NRXN3: variants seen among roughly 807,000 people sequenced by gnomAD.
The protein encoded by NRXN3 is neurexin 3.
A neutral mutation model predicts 137.6 loss-of-function variants in NRXN3; 32 were observed. The ratio of observed to expected loss-of-function variants is 0.23; its 90% CI spans 0.18 to 0.31. NRXN3 has a LOEUF of 0.31. Among genes scored for constraint, NRXN3 ranks in the 10% least tolerant of loss-of-function variants. The probability of loss-of-function intolerance (pLI) is 1.00; values close to 1 mark genes in which losing one functional copy is unlikely to be tolerated. For synonymous variants in NRXN3, 798 were observed against 784.5 expected, an observed-to-expected ratio of 1.02 and a Z score of -0.29; for missense variants, 1,574 against 2,062.5, an observed-to-expected ratio of 0.76 and a Z score of 4.59.
chr14:79,299,534 C>T (rs1271229967), intron 15 of NRXN3, among the ~76,000 whole-genome samples: 2 of 152,110 alleles, frequency 1.3e-5, no homozygotes, highest in South Asian at 4.1e-4. Context: ...ACAAGACCAC[C>T]TAGTCTGCAG....
At chr14:79,689,156 T>G (rs2098706696) in intron 17 of NRXN3, among the ~76,000 whole-genome samples, 1 of 152,132 alleles carries the variant, frequency 6.6e-6, no homozygotes, top group Non-Finnish European at 1.5e-5. Flanking sequence ...GCCATCACTT[T>G]CTGTTGAAGA....
intron 6 of NRXN3, among the ~76,000 whole-genome samples, chr14:78,682,205 T>C (rs188941794): frequency 5.9e-5 from 9 of 152,092 alleles, no homozygotes; most frequent in African/African-American, 1.9e-4. Flanking sequence ...GTGCTGAAAA[T>C]TGGGCTGGAT....
At chr14:78,661,285 G>A (rs1184227469) in intron 6 of NRXN3, among the ~76,000 whole-genome samples, 3 of 152,184 alleles carry the variant, frequency 2.0e-5, no homozygotes, top group Non-Finnish European at 4.4e-5. Context: ...TACTCATTCA[G>A]TAGTATTACC....
chr14:78,867,985 ATGAT>A (rs896487224), intron 10 of NRXN3, among the ~76,000 whole-genome samples: 6 of 148,414 alleles, frequency 4.0e-5, no homozygotes, highest in African/African-American at 7.3e-5. Flanking sequence ...AATTACAAAA[ATGAT>A]TGTAATTTTA....
intron 10 of NRXN3, among the ~76,000 whole-genome samples, chr14:78,882,422 C>T (rs1240501782): frequency 1.3e-5 from 2 of 151,816 alleles, no homozygotes; most frequent in Non-Finnish European, 2.9e-5. Context: ...CTGTACCCTA[C>T]AAAGCCACAG....
intron 15 of NRXN3, among the ~76,000 whole-genome samples, chr14:79,445,288 C>T (rs1220598740): frequency 1.3e-5 from 2 of 150,428 alleles, no homozygotes; most frequent in Non-Finnish European, 3.0e-5. Flanking sequence ...TGCAGTGAGC[C>T]GAGATCACGC....
At chr14:79,788,644 A>C (rs2099136377) in intron 19 of NRXN3, among the ~76,000 whole-genome samples, 1 of 152,190 alleles carries the variant, frequency 6.6e-6, no homozygotes, top group Admixed American at 6.5e-5. Flanking sequence ...ATGTTTTCTG[A>C]CTCAAAACAC....
At chr14:79,050,348 CT>C (rs2099640080) in intron 15 of NRXN3, among the ~76,000 whole-genome samples, 1 of 152,176 alleles carries the variant, frequency 6.6e-6, no homozygotes, top group African/African-American at 2.4e-5. Context: ...TTAAAATAAT[CT>C]TCTTGTAGTC....
At position 78,329,310 on chromosome 14, in the gene NRXN3, A is replaced by C. The variant is rs2080496702; in HGVS notation, c.757+31450A>C. 2.0e-5 allele frequency among the ~76,000 whole-genome samples: 3 copies of C among 152,304 alleles called. No individual in the cohort carries two copies. In the South Asian group the frequency reaches 6.2e-4, roughly 32 times the overall value. ...CAATTTTGAGGTTGAATCATTCTGC[A>C]ACACGAGGGCTTGAGGGGGAAGCTT... On this transcript the variant is annotated intron_variant, in intron 4 of 20. Coordinates refer to ENST00000335750, the MANE Select transcript of NRXN3 (RefSeq NM_001330195.2).
At chr14:79,473,381 T>G (rs190497816) in intron 16 of NRXN3, among the ~76,000 whole-genome samples, 102 of 152,300 alleles carry the variant, frequency 6.7e-4, no homozygotes, top group Admixed American at 6.7e-3. Context: ...TGATGATGAA[T>G]GGTCTGTTCC....
chr14:78,937,876 G>A (rs2099345208), intron 10 of NRXN3, among the ~76,000 whole-genome samples: 1 of 152,246 alleles, frequency 6.6e-6, no homozygotes, highest in South Asian at 2.1e-4. Context: ...GTGACCCAAT[G>A]CTGGCCTTGC....
intron 15 of NRXN3, among the ~76,000 whole-genome samples, chr14:78,990,116 T>C (rs151094867): frequency 9.8e-4 from 149 of 152,336 alleles, no homozygotes; most frequent in African/African-American, 3.4e-3. Context: ...ATTGGGAAAA[T>C]GTCAGCTTTC....
chr14:78,713,573 T>A (rs56261313), intron 7 of NRXN3, among the ~76,000 whole-genome samples: 1 of 152,224 alleles, frequency 6.6e-6, no homozygotes, highest in African/African-American at 2.4e-5. Flanking sequence ...ACTTATTGTA[T>A]TAGTCTGTTC....
chr14:79,713,901 G>T (rs911818236), intron 19 of NRXN3, among the ~76,000 whole-genome samples: 48 of 151,914 alleles, frequency 3.2e-4, no homozygotes, highest in African/African-American at 9.7e-4. Context: ...GAGGAGCAAG[G>T]ATTAGAATTG....
chr14:78,429,551 G>A (rs1437231682), intron 4 of NRXN3, among the ~76,000 whole-genome samples: 50 of 152,192 alleles, frequency 3.3e-4, no homozygotes, highest in Admixed American at 3.3e-3. Flanking sequence ...GACTTGAAAG[G>A]GAGCTGTGCT....
Position 78,714,970 on chromosome 14 carries a change from G to C in NRXN3, c.1875G>C (p.Gln625His), listed in dbSNP as rs781425884. The change falls in exon 8 of 21, where the codon CAG (glutamine) becomes CAC (histidine). Residue 625 changes from glutamine (Q) to histidine (H), a missense_variant. Physicochemically the swap from Gln to His is conservative, Grantham distance 24. Coordinates refer to ENST00000335750, the MANE Select transcript of NRXN3 (RefSeq NM_001330195.2). ...ATGGGCGCAGCAAGAACATTCGACAGCTGGCAGAGATGCAGAATGCTGCGG... is the reference window on the plus strand; with the variant it reads ...ATGGGCGCAGCAAGAACATTCGACACCTGGCAGAGATGCAGAATGCTGCGG... ...FIDGRSKNIR[Q>H]LAEMQNAAGV... The C allele has an allele frequency of 1.2e-6, 2 of 1,614,224 alleles. No homozygotes were observed. Among genetic ancestry groups the C allele is most frequent in the South Asian group, 2.2e-5 (2 of 91,090 alleles).
At chr14:78,930,422 G>A (rs1480005486) in intron 10 of NRXN3, among the ~76,000 whole-genome samples, 1 of 152,198 alleles carries the variant, frequency 6.6e-6, no homozygotes. Flanking sequence ...AGTATGGTAT[G>A]TTAAGAAGGA....
chr14:78,968,201 A>C lies in NRXN3; in HGVS notation c.2997A>C (p.Gln999His). ...KGDLYMAGLA[Q>H]GMYSNLPKLV... is the part of the protein sequence containing the mutation. ...ATCTCTATATGGCTGGTCTGGCCCA[A>C]GGCATGTACAGCAACCTCCCAAAGC... The change falls in exon 14 of 21, where the codon CAA becomes CAC. Residue 999 changes from glutamine to histidine, a missense_variant. Coordinates refer to ENST00000335750, the MANE Select transcript of NRXN3 (RefSeq NM_001330195.2). 1 of 1,613,758 alleles carries C rather than the reference A, an allele frequency of 6.2e-7. No individual in the cohort carries two copies. Among genetic ancestry groups the C allele is most frequent in the African/African-American group, 1.3e-5 (1 of 74,978 alleles).
intron 15 of NRXN3, among the ~76,000 whole-genome samples, chr14:79,452,979 T>A (rs1433219266): frequency 1.3e-5 from 2 of 152,202 alleles, no homozygotes; most frequent in Non-Finnish European, 2.9e-5. Context: ...TAAATAAAAA[T>A]TTGTTTAATG....
Sources: gnomAD v4.1 joint callset for allele counts (sites outside exome capture counted in the v4.1 genomes callset) on GRCh38, gnomAD v4.1.1 for gene constraint, MANE v1.5 for transcripts, NCBI Gene and HGNC (gene_info 2026-07-23, HGNC 2026-07-21) for gene names.